The following IL1RAPL2 variants were observed in gnomAD, a reference collection of about 807,000 sequenced individuals.
IL1RAPL2 encodes interleukin 1 receptor accessory protein like 2, also known as X-linked interleukin-1 receptor accessory protein-like 2.
In IL1RAPL2, 3 loss-of-function variants were observed where a neutral mutation model predicts 44.1. The ratio of observed to expected loss-of-function variants is 0.07; its 90% CI spans 0.03 to 0.18. The LOEUF (loss-of-function observed/expected upper bound fraction) is 0.18. IL1RAPL2 is among the 10% of genes least tolerant of loss of function. IL1RAPL2 has a pLI of 1.00. For synonymous variants in IL1RAPL2, 181 were observed against 178.8 expected (o/e 1.01, Z -0.10); for missense variants, 391 against 496.4 (o/e 0.79, Z 2.02).
chrX:105,208,434 C>T (rs923939673), intron 3 of IL1RAPL2, among the ~76,000 whole-genome samples: 6 of 111,874 alleles, frequency 5.4e-5, no homozygotes, highest in African/African-American at 1.6e-4. Context: ...GTACTCCAAC[C>T]AGTTTTCTCA....
chrX:105,032,355 T>C (rs1164578797), intron 2 of IL1RAPL2, among the ~76,000 whole-genome samples: 3 of 108,420 alleles, frequency 2.8e-5, no homozygotes, highest in Middle Eastern at 4.3e-3. Context: ...CTTTCTCTTG[T>C]GGGCATTTAG....
intron 1 of IL1RAPL2, among the ~76,000 whole-genome samples, chrX:104,647,060 T>A (rs1967840247): frequency 9.0e-6 from 1 of 111,351 alleles, no homozygotes; most frequent in African/African-American, 3.3e-5. Flanking sequence ...TCTGAAGTGA[T>A]TTTACCTTTA....
At chrX:104,828,076 C>G (rs770280658) in intron 2 of IL1RAPL2, among the ~76,000 whole-genome samples, 3 of 111,714 alleles carry the variant, frequency 2.7e-5, no homozygotes, top group African/African-American at 9.7e-5. Context: ...AGAACATGCT[C>G]CTTTACCTCA....
intron 6 of IL1RAPL2, among the ~76,000 whole-genome samples, chrX:105,677,923 G>A (rs937685019): frequency 8.9e-6 from 1 of 111,974 alleles, no homozygotes; most frequent in African/African-American, 3.2e-5. Context: ...GAAGCTATTC[G>A]AGAAGAACAT....
At chrX:105,409,863 G>A (rs1295873006) in intron 5 of IL1RAPL2, among the ~76,000 whole-genome samples, 2 of 53,184 alleles carry the variant, frequency 3.8e-5, no homozygotes, top group African/African-American at 9.9e-5. Context: ...CAGACAGACA[G>A]ACAGATAGAT....
chrX:104,610,737 C>A (rs1929136945), intron 1 of IL1RAPL2, among the ~76,000 whole-genome samples: 1 of 111,883 alleles, frequency 8.9e-6, no homozygotes, highest in African/African-American at 3.3e-5. Flanking sequence ...CGATCCCCAT[C>A]AAGCTACCAA....
rs747511260 is a variant in IL1RAPL2 at position 104,647,918 on chromosome X, T to C, written c.-19-10977T>C. 6.1e-6 allele frequency: 4 copies of C among 657,699 alleles called. No individual in the cohort carries two copies. In the South Asian group the frequency reaches 6.7e-5, roughly 11 times the overall value. 54.2% of individuals were successfully genotyped at this position (657,699 alleles called of 1,213,427 possible). A position where few individuals can be genotyped will look rare whatever the true frequency, so the allele number is the denominator to read the frequency against. On this transcript the variant is annotated intron_variant, in intron 1 of 10. Transcript: ENST00000372582. The stretch of plus-strand genomic sequence containing the variant: ...AGCTCTGTGACCAGCATCCACATTA[T>C]ATAAGGCAGAGTTCAGCATGCTTCC...
At chrX:105,686,439 G>T (rs781688127) in intron 6 of IL1RAPL2, among the ~76,000 whole-genome samples, 7 of 82,888 alleles carry the variant, frequency 8.4e-5, no homozygotes, top group African/African-American at 3.2e-4. Context: ...TGATAAAACA[G>T]ACTTTAAACC....
chrX:104,962,413 G>T (rs1031716074), intron 2 of IL1RAPL2, among the ~76,000 whole-genome samples: 1 of 111,374 alleles, frequency 9.0e-6, no homozygotes, highest in Non-Finnish European at 1.9e-5. Context: ...ATCTTAAGGA[G>T]AGTCACTCAC....
chrX:104,771,715 T>C (rs949912715), intron 2 of IL1RAPL2, among the ~76,000 whole-genome samples: 1 of 111,611 alleles, frequency 9.0e-6, no homozygotes, highest in Admixed American at 9.6e-5. Flanking sequence ...AGAGAATATG[T>C]ATTCAGCTGA....
chrX:105,080,565 T>TC (rs762176560), intron 2 of IL1RAPL2, among the ~76,000 whole-genome samples: 9,164 of 111,308 alleles, frequency 0.082, 984 homozygotes, highest in African/African-American at 0.29. Flanking sequence ...TCTGTTCTGT[T>TC]CATTGGTCTA....
At chrX:104,648,005 T>A in intron 1 of IL1RAPL2, 1 of 749,707 alleles carries the variant, frequency 1.3e-6, no homozygotes, top group South Asian at 2.2e-5. Flanking sequence ...AGCCATGTTT[T>A]CTTCTGCTGG....
At chrX:104,929,731 C>G (rs997222090) in intron 2 of IL1RAPL2, among the ~76,000 whole-genome samples, 1 of 111,522 alleles carries the variant, frequency 9.0e-6, no homozygotes, top group Non-Finnish European at 1.9e-5. Context: ...TCTCAGATTC[C>G]AGATCTGCTT....
At chrX:104,835,897 G>C (rs1251259580) in intron 2 of IL1RAPL2, among the ~76,000 whole-genome samples, 2 of 111,663 alleles carry the variant, frequency 1.8e-5, no homozygotes, top group Non-Finnish European at 3.8e-5. Context: ...TGTAGTTGCA[G>C]TCATGCTTGG....
chrX:104,798,044 C>T (rs1932861707), intron 2 of IL1RAPL2, among the ~76,000 whole-genome samples: 1 of 111,619 alleles, frequency 9.0e-6, no homozygotes, highest in Admixed American at 9.5e-5. Context: ...CACCCAAGGC[C>T]GCAGACCTAG....
chrX:104,796,374 G>C (rs1159433567), intron 2 of IL1RAPL2, among the ~76,000 whole-genome samples: 1 of 111,962 alleles, frequency 8.9e-6, no homozygotes, highest in African/African-American at 3.2e-5. Context: ...TCCCTAAGGA[G>C]ACAATGGATA....
At chrX:105,758,308 G>C (rs1259888193) in intron 10 of IL1RAPL2, among the ~76,000 whole-genome samples, 1 of 111,280 alleles carries the variant, frequency 9.0e-6, no homozygotes, top group Non-Finnish European at 1.9e-5. Context: ...CTTCACTTTT[G>C]ATGTATCTTC....
chrX:104,930,063 A>C (rs1924860449), intron 2 of IL1RAPL2, among the ~76,000 whole-genome samples: 1 of 111,376 alleles, frequency 9.0e-6, no homozygotes. Flanking sequence ...TTGCCCTTTC[A>C]ATTCATCACA....
chrX:105,348,109 T>C (rs1044764487), intron 5 of IL1RAPL2, among the ~76,000 whole-genome samples: 3 of 111,991 alleles, frequency 2.7e-5, no homozygotes, highest in African/African-American at 9.7e-5. Flanking sequence ...CTTATTTCTC[T>C]ATTTTCCTTA....
Sources: allele counts gnomAD v4.1 joint callset (sites outside exome capture counted in the v4.1 genomes callset), GRCh38; gene constraint gnomAD v4.1.1; transcripts MANE v1.5; gene names NCBI Gene and HGNC (gene_info 2026-07-23, HGNC 2026-07-21).